Variants in SYTL3 observed in about 807,000 individuals in gnomAD.
SYTL3 encodes the protein synaptotagmin-like protein 3.
Under a neutral mutation model 82.1 loss-of-function variants are expected in SYTL3, and 88 were observed. That is an observed-to-expected ratio of 1.07 (90% CI 0.90 to 1.28). The LOEUF (loss-of-function observed/expected upper bound fraction) is 1.28, where lower values mean the gene tolerates loss of function less well. Ranked by LOEUF, SYTL3 falls within the 50% of genes most tolerant of loss-of-function variation. The pLI is 0.00. For synonymous variants in SYTL3, 311 were observed against 289.4 expected (o/e 1.07, Z -0.76); for missense variants, 831 against 757.6 (o/e 1.10, Z -1.14).
upstream of SYTL3, among the ~76,000 whole-genome samples, chr6:158,645,201 A>G (rs146391144): frequency 3.1e-4 from 47 of 152,234 alleles, no homozygotes; most frequent in Admixed American, 2.4e-3. Context: ...AGCTATCTGA[A>G]CGAAACTTCC....
intron 10 of SYTL3, 57 bp from the exon 11 acceptor site, chr6:158,725,445 GA>G (rs1379540963): frequency 6.3e-7 from 1 of 1,591,588 alleles, no homozygotes; most frequent in African/African-American, 1.3e-5. Flanking sequence ...CACCACATTT[GA>G]ACAAAACCAA....
intron 11 of SYTL3, among the ~76,000 whole-genome samples, chr6:158,736,259 G>A (rs1412802078): frequency 1.3e-5 from 2 of 152,088 alleles, no homozygotes; most frequent in Non-Finnish European, 2.9e-5. Context: ...GCTGAGGCAG[G>A]AGAATGGCAT....
rs56865775 is a variant in SYTL3, at chr6:158,677,705, CAA to C, written c.330-5196_330-5195del. 9.3e-3 allele frequency among the ~76,000 whole-genome samples: 630 copies of C among 67,994 alleles called. 1 individual carries two copies. The highest frequency in any genetic ancestry group is 0.024 in the African/African-American group (551 of 23,058). The allele number at this position is 67,994 out of a possible 152,430, so 44.6% of individuals were successfully genotyped here. A position where few individuals can be genotyped will look rare whatever the true frequency, so the allele number is the denominator to read the frequency against. The stretch of plus-strand genomic sequence containing the variant: ...GGGTGACAAGAATGAAACTCTGTCT[CAA>C]AAAAAAAAAAAAAAAAAAAAAAAGA... On this transcript the variant is annotated intron_variant, in intron 5 of 17. Coordinates refer to ENST00000611299, the MANE Select transcript of SYTL3 (RefSeq NM_001242394.2).
At chr6:158,682,864 G>A in intron 5 of SYTL3, 61 bp from the exon 6 acceptor site, 1 of 1,311,546 alleles carries the variant, frequency 7.6e-7, no homozygotes, top group Non-Finnish European at 1.1e-6. Context: ...CTTAAAAGGG[G>A]TAAATATAGC....
At chr6:158,734,709 C>G (rs1785904315) in intron 11 of SYTL3, among the ~76,000 whole-genome samples, 1 of 152,142 alleles carries the variant, frequency 6.6e-6, no homozygotes, top group Non-Finnish European at 1.5e-5. Context: ...ATAGAGTTGG[C>G]TCATCTGTTG....
intron 6 of SYTL3, among the ~76,000 whole-genome samples, chr6:158,693,542 A>T (rs989020591): frequency 6.6e-6 from 1 of 151,904 alleles, no homozygotes; most frequent in Non-Finnish European, 1.5e-5. Flanking sequence ...ATGCCACTAC[A>T]CCCAGCTGAC....
chr6:158,734,784 G>C (rs931223388), intron 11 of SYTL3, among the ~76,000 whole-genome samples: 1 of 152,180 alleles, frequency 6.6e-6, no homozygotes, highest in East Asian at 1.9e-4. Context: ...ACACTTAAAT[G>C]GCCTCAATAA....
At chr6:158,706,542 T>C (rs1424892073) in intron 6 of SYTL3, among the ~76,000 whole-genome samples, 1 of 152,178 alleles carries the variant, frequency 6.6e-6, no homozygotes, top group African/African-American at 2.4e-5. Flanking sequence ...TGGAGCCCTC[T>C]GGGAACCTCC....
In SYTL3 at chr6:158,762,133, A is replaced by G; in HGVS notation, c.1472A>G (p.Asn491Ser). 2 of 1,613,776 alleles carry G rather than the reference A, an allele frequency of 1.2e-6. No homozygotes were observed. Among genetic ancestry groups the G allele is most frequent in the Non-Finnish European group, 1.7e-6 (2 of 1,179,954 alleles). Reference sequence around the variant, plus strand: ...TGTTTGGTAGTGCTAGGAGCCAAGAATTTACCTGTGCGGCCAGATGGCACC... The same window carrying G: ...TGTTTGGTAGTGCTAGGAGCCAAGAGTTTACCTGTGCGGCCAGATGGCACC... The part of the protein sequence containing the change: ...QLCLVVLGAK[N>S]LPVRPDGTLN... Residue 491 changes from asparagine to serine, a missense_variant, in exon 16 of 18, where the codon AAT becomes AGT. Transcript: ENST00000611299.
At chr6:158,690,946 G>A (rs937276108) in intron 6 of SYTL3, among the ~76,000 whole-genome samples, 4 of 152,160 alleles carry the variant, frequency 2.6e-5, no homozygotes, top group African/African-American at 9.7e-5. Context: ...GGTTTTTAAT[G>A]TGGTTCCTGG....
intron 5 of SYTL3, among the ~76,000 whole-genome samples, chr6:158,669,045 A>T (rs1334483007): frequency 2.0e-5 from 3 of 152,190 alleles, no homozygotes; most frequent in Non-Finnish European, 4.4e-5. Flanking sequence ...AAGCAGAAAC[A>T]TCCTTGTTTT....
At chr6:158,699,985 G>A (rs938907395) in intron 6 of SYTL3, among the ~76,000 whole-genome samples, 6 of 151,780 alleles carry the variant, frequency 4.0e-5, no homozygotes, top group Non-Finnish European at 5.9e-5. Flanking sequence ...GCTGGATGCA[G>A]TGGCTCACGC....
At chr6:158,690,604 T>C (rs1211867145) in intron 6 of SYTL3, among the ~76,000 whole-genome samples, 1 of 152,210 alleles carries the variant, frequency 6.6e-6, no homozygotes, top group Non-Finnish European at 1.5e-5. Context: ...TTTTTTCAAC[T>C]ATTAAAACAA....
At chr6:158,716,157 C>T (rs749329038) in intron 9 of SYTL3, among the ~76,000 whole-genome samples, 1 of 152,184 alleles carries the variant, frequency 6.6e-6, no homozygotes, top group Non-Finnish European at 1.5e-5. Flanking sequence ...TAGAAGATGT[C>T]AGCACTGTAG....
chr6:158,729,566 C>CTTTTTT (rs34172320), intron 11 of SYTL3, among the ~76,000 whole-genome samples: 33 of 132,878 alleles, frequency 2.5e-4, no homozygotes, highest in East Asian at 4.2e-4. Flanking sequence ...CTTTCTTTTT[C>CTTTTTT]TTTTTTTTTT....
chr6:158,699,862 G>T (rs1202049471), intron 6 of SYTL3, among the ~76,000 whole-genome samples: 1 of 151,898 alleles, frequency 6.6e-6, no homozygotes, highest in African/African-American at 2.4e-5. Context: ...TAGAAGAATC[G>T]CTTGAACCAG....
At position 158,687,186 on chromosome 6, in the gene SYTL3, A is replaced by G. The variant is rs117376663; in HGVS notation, c.394+4197A>G. 8.5e-3 allele frequency among the ~76,000 whole-genome samples: 1,291 copies of G among 152,232 alleles called. 9 individuals are homozygous for G. Among genetic ancestry groups the G allele is most frequent in the South Asian group, 0.02 (98 of 4,820 alleles). Reference sequence around the variant, plus strand: ...CATAAATCAAGTAACATTCTTTGACAGTTTCTGTCTTCAGTGGAAGGCTCG... The same window carrying G: ...CATAAATCAAGTAACATTCTTTGACGGTTTCTGTCTTCAGTGGAAGGCTCG... On this transcript the variant is annotated intron_variant, in intron 6 of 17. Transcript: ENST00000611299.
At position 158,678,603 on chromosome 6, in the gene SYTL3, A is replaced by G. The variant is rs190087238; in HGVS notation, c.330-4322A>G. On this transcript the variant is annotated intron_variant, in intron 5 of 17. Transcript: ENST00000611299. ...CAGTTATTTCTCCTTTGATAATGAA[A>G]TGACAGCATTAACAGAATTCAGGGC... Among the ~76,000 whole-genome samples the G allele has an allele frequency of 9.0e-4, 137 of 152,338 alleles. No individual in the cohort carries two copies. The Middle Eastern group carries it at 0.01, about 11-fold the overall frequency.
chr6:158,760,519 C>A, intron 14 of SYTL3, 121 bp from the exon 15 acceptor site: 1 of 800,626 alleles, frequency 1.2e-6, no homozygotes, highest in Non-Finnish European at 2.2e-6. Context: ...ACCTGCTCCA[C>A]CCAGGGCCTT....
Sources: gnomAD v4.1 joint callset for allele counts (sites outside exome capture counted in the v4.1 genomes callset) on GRCh38, gnomAD v4.1.1 for gene constraint, MANE v1.5 for transcripts, NCBI Gene and HGNC (gene_info 2026-07-23, HGNC 2026-07-21) for gene names.